Variants in THEMIS observed in about 807,000 individuals in gnomAD.
The protein encoded by THEMIS is protein THEMIS.
Under a neutral mutation model 52.6 loss-of-function variants are expected in THEMIS, and 37 were observed. The observed-to-expected ratio is 0.70, with a 90% CI of 0.54 to 0.93. THEMIS has a LOEUF of 0.93. THEMIS is among the 40% of genes least tolerant of loss of function. The pLI is 0.00. For missense variants in THEMIS, 808 were observed against 763.1 expected (o/e 1.06, Z -0.69); for synonymous variants, 292 against 272.7 (o/e 1.07, Z -0.70).
At chr6:127,878,450 C>CA (rs66542329) in intron 1 of THEMIS, among the ~76,000 whole-genome samples, 10,345 of 148,096 alleles carry the variant, frequency 0.07, 488 homozygotes, top group African/African-American at 0.14. Flanking sequence ...TATCTATTTG[C>CA]AAAAAAAAAA....
In THEMIS at chr6:127,864,484, G is replaced by A. The variant is rs1399502507; in HGVS notation, c.92-9296C>T. The stretch of plus-strand genomic sequence containing the variant: ...TAATCTTAGACTATCTTCTGGGAGA[G>A]TGCCAGGGAAGCAGAGAGGTGAGTT... On this transcript the variant is annotated intron_variant, in intron 1 of 5. Transcript: ENST00000368248. Among the ~76,000 whole-genome samples the A allele has an allele frequency of 2.0e-5, 3 of 152,072 alleles. No homozygotes were observed. In the East Asian group the frequency reaches 5.8e-4, roughly 29 times the overall value.
chr6:127,826,705 T>A (rs1360501921), intron 3 of THEMIS, among the ~76,000 whole-genome samples: 4 of 152,158 alleles, frequency 2.6e-5, no homozygotes, highest in Admixed American at 2.0e-4. Flanking sequence ...TATTATGTAT[T>A]CCATTTACTA....
intron 2 of THEMIS, among the ~76,000 whole-genome samples, chr6:127,832,491 G>A (rs182420747): frequency 6.6e-6 from 1 of 152,272 alleles, no homozygotes; most frequent in East Asian, 1.9e-4. Context: ...GTTTTAATAT[G>A]ATGCCATATT....
At chr6:127,817,452 G>A (rs1264222557) in intron 3 of THEMIS, among the ~76,000 whole-genome samples, 2 of 152,194 alleles carry the variant, frequency 1.3e-5, no homozygotes, top group East Asian at 3.9e-4. Context: ...CCTGTTCAAT[G>A]CAATAAATAC....
At chr6:127,799,382 A>G (rs1257418908) in intron 4 of THEMIS, among the ~76,000 whole-genome samples, 1 of 152,234 alleles carries the variant, frequency 6.6e-6, no homozygotes, top group Non-Finnish European at 1.5e-5. Flanking sequence ...AATAGAATCT[A>G]CAGGATTTGA....
At chr6:127,836,706 A>C (rs1231785130) in intron 2 of THEMIS, among the ~76,000 whole-genome samples, 4 of 152,182 alleles carry the variant, frequency 2.6e-5, no homozygotes. Context: ...GTTCCATATT[A>C]CTAGGCAATA....
intron 1 of THEMIS, among the ~76,000 whole-genome samples, chr6:127,877,637 A>G (rs1363250008): frequency 2.0e-5 from 3 of 152,192 alleles, no homozygotes; most frequent in African/African-American, 7.2e-5. Context: ...TCCATCTTAT[A>G]TGCTCACTGT....
rs752634912 is a variant in THEMIS at position 127,813,446 on chromosome 6, C to A, written c.1195G>T (p.Val399Phe). Residue 399 changes from valine (V) to phenylalanine (F), a missense_variant, in exon 4 of 6, where the codon GTC (valine) becomes TTC (phenylalanine). Coordinates refer to ENST00000368248, the MANE Select transcript of THEMIS (RefSeq NM_001010923.3). ...ACTTTTTTTATTCCCTCACAGAGGA[C>A]TTCAGTCGTCTCTGACTGATGCACC... The part of the protein sequence containing the change: ...FLVHQSETTE[V>F]LCEGIKKVVN... 6.2e-7 allele frequency: 1 copy of A among 1,613,916 alleles called. No homozygotes were observed. Among genetic ancestry groups the A allele is most frequent in the African/African-American group, 1.3e-5 (1 of 74,888 alleles).
At chr6:127,886,128 G>A (rs907047813) in intron 1 of THEMIS, among the ~76,000 whole-genome samples, 2 of 152,050 alleles carry the variant, frequency 1.3e-5, no homozygotes, top group African/African-American at 4.8e-5. Context: ...TGGTAAAGAG[G>A]TTTCCCTCAA....
intron 2 of THEMIS, among the ~76,000 whole-genome samples, chr6:127,836,303 A>G (rs1237695549): frequency 6.6e-6 from 1 of 152,086 alleles, no homozygotes; most frequent in Non-Finnish European, 1.5e-5. Flanking sequence ...AAAGCCCCAT[A>G]TGTTTCTCTC....
At chr6:127,716,508 A>C (rs1435009770) in intron 5 of THEMIS, among the ~76,000 whole-genome samples, 1 of 151,884 alleles carries the variant, frequency 6.6e-6, no homozygotes, top group African/African-American at 2.4e-5. Flanking sequence ...CCCACCCCCT[A>C]ATTCAGGACA....
chr6:127,715,528 C>T (rs555298331), intron 5 of THEMIS, among the ~76,000 whole-genome samples: 154 of 151,992 alleles, frequency 1.0e-3, no homozygotes, highest in African/African-American at 3.6e-3. Context: ...TCTGACTTGT[C>T]TAATCCTCAA....
intron 1 of THEMIS, among the ~76,000 whole-genome samples, chr6:127,900,057 T>C (rs1781092100): frequency 6.6e-6 from 1 of 151,698 alleles, no homozygotes; most frequent in Admixed American, 6.6e-5. Flanking sequence ...GGTAGTTTTG[T>C]CTTGATCTGT....
At chr6:127,876,409 A>G (rs1001874427) in intron 1 of THEMIS, among the ~76,000 whole-genome samples, 27 of 152,336 alleles carry the variant, frequency 1.8e-4, no homozygotes, top group African/African-American at 6.3e-4. Context: ...AGTTCTTGAT[A>G]TATTGTTTCT....
chr6:127,706,397 A>G (rs1773798553), downstream of THEMIS, among the ~76,000 whole-genome samples: 1 of 152,108 alleles, frequency 6.6e-6, no homozygotes, highest in Non-Finnish European at 1.5e-5. Context: ...TCACAAACTT[A>G]TCCAAGGCAA....
chr6:127,889,422 A>G (rs918739746), intron 1 of THEMIS, among the ~76,000 whole-genome samples: 6 of 152,098 alleles, frequency 3.9e-5, no homozygotes, highest in African/African-American at 1.4e-4. Flanking sequence ...CAATTTATCT[A>G]TGGCATATGT....
intron 1 of THEMIS, among the ~76,000 whole-genome samples, chr6:127,886,197 G>C (rs965019224): frequency 2.6e-5 from 4 of 152,132 alleles, no homozygotes; most frequent in Non-Finnish European, 5.9e-5. Flanking sequence ...CTCCCAAGTA[G>C]AGACAGCCTT....
intron 4 of THEMIS, among the ~76,000 whole-genome samples, chr6:127,772,309 T>G (rs189043371): frequency 6.6e-6 from 1 of 152,096 alleles, no homozygotes; most frequent in Non-Finnish European, 1.5e-5. Context: ...ATTAAAATAT[T>G]TTTTTCATTT....
intron 4 of THEMIS, among the ~76,000 whole-genome samples, chr6:127,767,323 C>G (rs1227822365): frequency 6.6e-6 from 1 of 152,154 alleles, no homozygotes; most frequent in Non-Finnish European, 1.5e-5. Flanking sequence ...AACTCCTGAC[C>G]TCAAGTGATC....
Sources: allele counts gnomAD v4.1 joint callset (sites outside exome capture counted in the v4.1 genomes callset), GRCh38; gene constraint gnomAD v4.1.1; transcripts MANE v1.5; gene names NCBI Gene and HGNC (gene_info 2026-07-23, HGNC 2026-07-21).